FBXL2: variants seen among roughly 807,000 people sequenced by gnomAD.
The protein encoded by FBXL2 is F-box/LRR-repeat protein 2.
FBXL2 carries 38 observed loss-of-function variants against 69.2 expected under a neutral mutation model. That is an observed-to-expected ratio of 0.55 (90% CI 0.42 to 0.72). FBXL2 has a LOEUF of 0.72. Among genes scored for constraint, FBXL2 ranks in the 30% least tolerant of loss-of-function variants. FBXL2 has a pLI of 0.00. For missense variants in FBXL2, 354 were observed against 520.3 expected (o/e 0.68, Z 3.11); for synonymous variants, 192 against 201.3 (o/e 0.95, Z 0.39).
In FBXL2 at chr3:33,304,582, G is replaced by A. The variant is rs115005903; in HGVS notation, c.65+6857G>A. On this transcript the variant is annotated intron_variant, in intron 2 of 14. Transcript: ENST00000484457. The stretch of plus-strand genomic sequence containing the variant: ...ACTGAGTATTTTGGTTGTTTCCAGT[G>A]TTTTATCAGTAAGAGCAGTGCTGCT... Among the ~76,000 whole-genome samples the A allele has an allele frequency of 2.6e-3, 392 of 152,032 alleles. 1 individual carries two copies. Among genetic ancestry groups the A allele is most frequent in the Non-Finnish European group, 4.7e-3 (322 of 67,902 alleles).
intron 1 of FBXL2, among the ~76,000 whole-genome samples, chr3:33,295,748 T>C (rs1348510766): frequency 6.6e-6 from 1 of 152,218 alleles, no homozygotes; most frequent in Admixed American, 6.5e-5. Context: ...CCATTACTTA[T>C]TAGTATCTTT....
chr3:33,302,993 C>T (rs2036416444), intron 2 of FBXL2: 1 of 448,900 alleles, frequency 2.2e-6, no homozygotes, highest in Admixed American at 2.4e-5. Context: ...ATCATAGGTC[C>T]TTGGCAAGCA....
intron 1 of FBXL2, among the ~76,000 whole-genome samples, chr3:33,287,366 T>C (rs1575595466): frequency 6.6e-6 from 1 of 152,326 alleles, no homozygotes; most frequent in Non-Finnish European, 1.5e-5. Flanking sequence ...ATTGTAACAA[T>C]AGCTTTCTTT....
chr3:33,287,456 G>C (rs532174524), intron 1 of FBXL2, among the ~76,000 whole-genome samples: 3 of 151,986 alleles, frequency 2.0e-5, no homozygotes, highest in Non-Finnish European at 2.9e-5. Context: ...TAAGAAATTG[G>C]CATTTGTTAT....
chr3:33,298,715 A>AG (rs2035976282), intron 2 of FBXL2, among the ~76,000 whole-genome samples: 1 of 151,640 alleles, frequency 6.6e-6, no homozygotes, highest in African/African-American at 2.4e-5. Flanking sequence ...AAAAAAAAAA[A>AG]AAAGCTTATT....
intron 13 of FBXL2, 60 bp from the exon 14 acceptor site, chr3:33,383,929 T>TA (rs1439257666): frequency 6.5e-7 from 1 of 1,550,148 alleles, no homozygotes; most frequent in Non-Finnish European, 8.9e-7. Context: ...AGCTTTTTTT[T>TA]AGGACTTGAG....
chr3:33,319,337 T>G (rs2037995772), intron 2 of FBXL2, among the ~76,000 whole-genome samples: 1 of 152,148 alleles, frequency 6.6e-6, no homozygotes, highest in South Asian at 2.1e-4. Context: ...TTTGAATGTA[T>G]TGCCTATTAA....
intron 2 of FBXL2, among the ~76,000 whole-genome samples, chr3:33,340,192 G>A (rs1377959804): frequency 6.6e-6 from 1 of 152,134 alleles, no homozygotes; most frequent in Non-Finnish European, 1.5e-5. Context: ...GTTCTATGTC[G>A]AGAGTGAGAT....
intron 1 of FBXL2, among the ~76,000 whole-genome samples, chr3:33,295,175 C>G (rs1017021351): frequency 6.6e-5 from 10 of 152,248 alleles, no homozygotes; most frequent in African/African-American, 2.4e-4. Flanking sequence ...AGTATATTCA[C>G]CAAGTTGTGT....
At chr3:33,397,839 T>C (rs1367520786) in intron 12 of FBXL2, 2 of 152,200 alleles carry the variant, frequency 1.3e-5, no homozygotes, top group Admixed American at 6.5e-5. Flanking sequence ...TTGACACTTT[T>C]AAAAATTCTA....
At chr3:33,333,940 G>T (rs2039365794) in intron 2 of FBXL2, among the ~76,000 whole-genome samples, 2 of 151,828 alleles carry the variant, frequency 1.3e-5, no homozygotes, top group African/African-American at 4.8e-5. Context: ...TTTTAATATA[G>T]TGGCTCAAGG....
chr3:33,380,247 A>C (rs1228012232), intron 13 of FBXL2, among the ~76,000 whole-genome samples: 1 of 151,398 alleles, frequency 6.6e-6, no homozygotes, highest in East Asian at 1.9e-4. Context: ...AAAAATTCAA[A>C]AGAAAAAGTT....
the FBXL2 span, among the ~76,000 whole-genome samples, chr3:33,420,378 TAC>T: frequency 6.1e-4 from 93 of 152,176 alleles, no homozygotes; most frequent in Non-Finnish European, 1.0e-3. Context: ...CAGGCTGGAG[TAC>T]AGTGGTGCAA....
At chr3:33,414,835 T>A in the FBXL2 span, among the ~76,000 whole-genome samples, 1 of 152,106 alleles carries the variant, frequency 6.6e-6, no homozygotes, top group Non-Finnish European at 1.5e-5. Flanking sequence ...TTTCAATCAG[T>A]GGGCTAAATA....
At chr3:33,394,618 G>C (rs897991742) in intron 12 of FBXL2, among the ~76,000 whole-genome samples, 3 of 152,050 alleles carry the variant, frequency 2.0e-5, no homozygotes. Flanking sequence ...CTCAATTACT[G>C]ATTAAAGCCA....
intron 2 of FBXL2, among the ~76,000 whole-genome samples, chr3:33,342,304 C>T (rs1337603317): frequency 6.6e-6 from 1 of 151,156 alleles, no homozygotes; most frequent in Non-Finnish European, 1.5e-5. Context: ...TGTGCCCGGC[C>T]TATGCAGTTT....
intron 2 of FBXL2, among the ~76,000 whole-genome samples, chr3:33,320,913 A>C (rs766311405): frequency 6.6e-6 from 1 of 152,210 alleles, no homozygotes; most frequent in African/African-American, 2.4e-5. Context: ...CCACAAACTA[A>C]AAGATACTTG....
intron 1 of FBXL2, among the ~76,000 whole-genome samples, chr3:33,295,489 A>T (rs1210875961): frequency 6.6e-6 from 1 of 152,196 alleles, no homozygotes; most frequent in African/African-American, 2.4e-5. Flanking sequence ...TCATCAGCTG[A>T]TGGACATTTT....
rs1575434041 is a variant in FBXL2 at position 33,387,089 on chromosome 3, G to A, written c.*1481G>A. 6.6e-6 allele frequency: 1 copy of A among 152,124 alleles called. No homozygotes were observed. The highest frequency in any genetic ancestry group is 2.1e-4 in the South Asian group (1 of 4,838). 9.4% of individuals were successfully genotyped at this position (152,124 alleles called of 1,614,324 possible). On this transcript the variant is annotated 3_prime_UTR_variant, in exon 15 of 15. Transcript: ENST00000484457. ...CTTAGCACAATTATCATCAGAGTAAGCATTAAAGTCATTTTATTGCCTTAT... is the reference window on the plus strand; with the variant it reads ...CTTAGCACAATTATCATCAGAGTAAACATTAAAGTCATTTTATTGCCTTAT...
Sources: gnomAD v4.1 joint callset for allele counts (sites outside exome capture counted in the v4.1 genomes callset) on GRCh38, gnomAD v4.1.1 for gene constraint, MANE v1.5 for transcripts, NCBI Gene and HGNC (gene_info 2026-07-23, HGNC 2026-07-21) for gene names.